BCAT1: variants seen among roughly 807,000 people sequenced by gnomAD.
The protein encoded by BCAT1 is branched-chain-amino-acid aminotransferase, cytosolic.
In BCAT1, 48 loss-of-function variants were observed where a neutral mutation model predicts 52.4. The ratio of observed to expected loss-of-function variants is 0.92; its 90% CI spans 0.73 to 1.16. BCAT1 has a LOEUF of 1.16. Ranked by LOEUF, BCAT1 falls within the 50% of genes most tolerant of loss-of-function variation. BCAT1 has a pLI of 0.00. For missense variants in BCAT1, 451 were observed against 457.1 expected (o/e 0.99, Z 0.12); for synonymous variants, 167 against 161.3 (o/e 1.04, Z -0.27).
At chr12:24,834,806 T>C (rs779440284) in intron 8 of BCAT1, 1 of 1,147,462 alleles carries the variant, frequency 8.7e-7, no homozygotes, top group South Asian at 1.8e-5. Flanking sequence ...GAGTTCTGTG[T>C]CCTGAAAAAG....
intron 1 of BCAT1, among the ~76,000 whole-genome samples, chr12:24,928,244 G>T (rs1365080985): frequency 6.6e-6 from 1 of 152,170 alleles, no homozygotes; most frequent in South Asian, 2.1e-4. Context: ...GACTAGGAGA[G>T]ACCAGAGACC....
intron 1 of BCAT1, among the ~76,000 whole-genome samples, chr12:24,907,052 G>C (rs1283350137): frequency 6.6e-6 from 1 of 152,186 alleles, no homozygotes; most frequent in African/African-American, 2.4e-5. Flanking sequence ...GCCCATCCCA[G>C]ATTCTGCCTT....
At chr12:24,847,037 A>T (rs1054333996) in intron 6 of BCAT1, among the ~76,000 whole-genome samples, 1 of 152,214 alleles carries the variant, frequency 6.6e-6, no homozygotes, top group African/African-American at 2.4e-5. Context: ...ATCATACTGC[A>T]TTTGCTGAGA....
At chr12:24,917,268 T>C (rs1943429857) in intron 1 of BCAT1, among the ~76,000 whole-genome samples, 1 of 149,894 alleles carries the variant, frequency 6.7e-6, no homozygotes, top group African/African-American at 2.4e-5. Flanking sequence ...AAGCTCCGTC[T>C]TGCCGCTTCG....
intron 1 of BCAT1, among the ~76,000 whole-genome samples, chr12:24,937,151 T>C (rs892043578): frequency 6.6e-6 from 1 of 152,150 alleles, no homozygotes; most frequent in African/African-American, 2.4e-5. Flanking sequence ...ATACAATCAT[T>C]ACAAGTTGAG....
intron 5 of BCAT1, among the ~76,000 whole-genome samples, chr12:24,876,184 A>C (rs1211321858): frequency 6.6e-6 from 1 of 151,382 alleles, no homozygotes; most frequent in East Asian, 1.9e-4. Context: ...ACAGTCAAAA[A>C]CTCCTAAGTA....
intron 10 of BCAT1, among the ~76,000 whole-genome samples, chr12:24,824,272 C>CTTCCT (rs1940287268): frequency 8.0e-6 from 1 of 124,582 alleles, no homozygotes; most frequent in Non-Finnish European, 1.7e-5. Flanking sequence ...CCTTCATTCC[C>CTTCCT]TCCCTCCCTC....
chr12:24,876,443 A>G lies in BCAT1; in HGVS notation c.510+2087T>C, dbSNP rs1273559741. Among the ~76,000 whole-genome samples the G allele has an allele frequency of 6.6e-5, 10 of 152,264 alleles. No individual in the cohort carries two copies. The East Asian group carries it at 1.3e-3, about 21-fold the overall frequency. On this transcript the variant is annotated intron_variant, in intron 5 of 10. Coordinates refer to ENST00000261192, the MANE Select transcript of BCAT1 (RefSeq NM_005504.7). The stretch of plus-strand genomic sequence containing the variant: ...AATAAGGTTGATTTAACATCCAAAA[A>G]TAAATTGATATAATTCATTCATTAA...
At chr12:24,881,651 T>C (rs962998086) in intron 3 of BCAT1, among the ~76,000 whole-genome samples, 3 of 152,226 alleles carry the variant, frequency 2.0e-5, no homozygotes, top group African/African-American at 4.8e-5. Context: ...AGTTCTCCTC[T>C]GCTTAGCAGG....
chr12:24,936,653 C>T (rs1255458625), intron 1 of BCAT1, among the ~76,000 whole-genome samples: 1 of 151,624 alleles, frequency 6.6e-6, no homozygotes, highest in Non-Finnish European at 1.5e-5. Flanking sequence ...CTACAAGCCA[C>T]CTGCATTCTT....
intron 8 of BCAT1, chr12:24,834,219 T>A: frequency 1.0e-6 from 1 of 980,570 alleles, no homozygotes; most frequent in South Asian, 4.7e-5. Context: ...TGGACTTTAT[T>A]TGAGAAATTG....
At chr12:24,916,280 T>A (rs1471138327) in intron 1 of BCAT1, among the ~76,000 whole-genome samples, 1 of 152,160 alleles carries the variant, frequency 6.6e-6, no homozygotes, top group Admixed American at 6.5e-5. Context: ...TATCTTGAGG[T>A]CCCTGGGCCT....
intron 1 of BCAT1, among the ~76,000 whole-genome samples, chr12:24,914,440 CA>C (rs1456858432): frequency 6.6e-6 from 1 of 152,138 alleles, no homozygotes; most frequent in African/African-American, 2.4e-5. Context: ...CAGGCCGCTC[CA>C]ATTAAACGGT....
intron 10 of BCAT1, among the ~76,000 whole-genome samples, chr12:24,827,621 G>T (rs540685788): frequency 6.6e-6 from 1 of 152,126 alleles, no homozygotes; most frequent in South Asian, 2.1e-4. Flanking sequence ...GCGAAACCTC[G>T]ACTCTACTAA....
chr12:24,839,188 G>A (rs77588243), intron 7 of BCAT1, among the ~76,000 whole-genome samples: 2 of 152,338 alleles, frequency 1.3e-5, no homozygotes, highest in South Asian at 4.2e-4. Context: ...ATGCTGAGGA[G>A]AAATGGGAAA....
chr12:24,819,559 C>T (rs1179281995), intron 10 of BCAT1, among the ~76,000 whole-genome samples: 2 of 152,124 alleles, frequency 1.3e-5, no homozygotes, highest in African/African-American at 4.8e-5. Flanking sequence ...GAATTTTAAT[C>T]CAAGCTTCTC....
rs528556404 is a variant in BCAT1 at position 24,924,959 on chromosome 12, A to C, written c.7-23074T>G. 2.8e-4 allele frequency among the ~76,000 whole-genome samples: 43 copies of C among 152,342 alleles called. No homozygotes were observed. In the South Asian group the frequency reaches 8.5e-3, roughly 30 times the overall value. The stretch of plus-strand genomic sequence containing the variant: ...GGTTAACCATTGGGTGAATCCGTTG[A>C]TAAATGACGGATTCAAAAACAGTTG... On this transcript the variant is annotated intron_variant, in intron 1 of 10. Coordinates refer to ENST00000261192, the MANE Select transcript of BCAT1 (RefSeq NM_005504.7).
chr12:24,849,102 A>G (rs143074866), intron 6 of BCAT1, among the ~76,000 whole-genome samples: 30 of 152,348 alleles, frequency 2.0e-4, no homozygotes, highest in Middle Eastern at 3.4e-3. Flanking sequence ...GATACATGCA[A>G]AGCAAGAACC....
intron 8 of BCAT1, among the ~76,000 whole-genome samples, chr12:24,833,117 T>C (rs777119200): frequency 3.3e-5 from 5 of 152,214 alleles, no homozygotes; most frequent in Non-Finnish European, 7.3e-5. Flanking sequence ...ACAAGACACA[T>C]GGTATACTTT....
Sources: allele counts gnomAD v4.1 joint callset (sites outside exome capture counted in the v4.1 genomes callset), GRCh38; gene constraint gnomAD v4.1.1; transcripts MANE v1.5; gene names NCBI Gene and HGNC (gene_info 2026-07-23, HGNC 2026-07-21).